Variants in BMP5 observed in about 807,000 individuals in gnomAD.
The protein encoded by BMP5 is bone morphogenetic protein 5.
A neutral mutation model predicts 46.6 loss-of-function variants in BMP5; 23 were observed. The observed-to-expected ratio is 0.49, with a 90% CI of 0.35 to 0.70. The LOEUF is 0.70. Among genes scored for constraint, BMP5 ranks in the 30% least tolerant of loss-of-function variants. The probability of loss-of-function intolerance (pLI) is 0.00; values close to 1 mark genes in which losing one functional copy is unlikely to be tolerated. For missense variants in BMP5, 545 were observed against 565.6 expected, an observed-to-expected ratio of 0.96 and a Z score of 0.37; for synonymous variants, 204 against 191.9, an observed-to-expected ratio of 1.06 and a Z score of -0.52.
chr6:55,839,755 T>C lies in BMP5; in HGVS notation c.491-19908A>G, dbSNP rs1019599709. ...TTTTAAATTTTGCTATTGTAGACAGTGTTATTTTAATTTACTTTTCCCTAG... is the reference window on the plus strand; with the variant it reads ...TTTTAAATTTTGCTATTGTAGACAGCGTTATTTTAATTTACTTTTCCCTAG... On this transcript the variant is annotated intron_variant, in intron 1 of 6. Transcript: ENST00000370830. Among the ~76,000 whole-genome samples the C allele has an allele frequency of 1.1e-4, 17 of 152,328 alleles. No individual in the cohort carries two copies. The East Asian group carries it at 3.1e-3, about 28-fold the overall frequency.
In BMP5 at chr6:55,866,871, A is replaced by C. The variant is rs990515983; in HGVS notation, c.490+7505T>G. 3.2e-4 allele frequency among the ~76,000 whole-genome samples: 49 copies of C among 152,144 alleles called. 1 individual carries two copies. Among genetic ancestry groups the C allele is most frequent in the Non-Finnish European group, 4.3e-4 (29 of 68,028 alleles). ...TATTTCACCAACTCCTGAAGTAATTATCTCTCACACTAAATTATTATTCTC... is the reference window on the plus strand; with the variant it reads ...TATTTCACCAACTCCTGAAGTAATTCTCTCTCACACTAAATTATTATTCTC... On this transcript the variant is annotated intron_variant, in intron 1 of 6. Coordinates refer to ENST00000370830, the MANE Select transcript of BMP5 (RefSeq NM_021073.4).
Position 55,755,487 on chromosome 6 carries a change from TA to T in BMP5, c.*45del, listed in dbSNP as rs1774564997. 2 of 1,560,308 alleles carry T rather than the reference TA, an allele frequency of 1.3e-6. No homozygotes were observed. The highest frequency in any genetic ancestry group is 1.7e-5 in the Admixed American group (1 of 58,672). On this transcript the variant is annotated 3_prime_UTR_variant, in exon 7 of 7. Transcript: ENST00000370830. Reference sequence around the variant, plus strand: ...GAAAGTATGCTTTTTATTGCAGCCATAAACCTTAATACAGATCTTTTTGTTA... The same window carrying T: ...GAAAGTATGCTTTTTATTGCAGCCATAACCTTAATACAGATCTTTTTGTTA...
In BMP5 at chr6:55,792,312, T is replaced by A. The variant is rs192850893; in HGVS notation, c.832+1967A>T. Among the ~76,000 whole-genome samples, 80 of 152,212 alleles carry A rather than the reference T, an allele frequency of 5.3e-4. 1 individual carries two copies. The East Asian group carries it at 0.015, about 28-fold the overall frequency. The stretch of plus-strand genomic sequence containing the variant: ...ACTTTGGAAGGCCAAGGCGGGCGGA[T>A]CACGAGGTCAGGAGATCGAGACCAT... On this transcript the variant is annotated intron_variant, in intron 3 of 6. Transcript: ENST00000370830.
chr6:55,783,410 TTATAATCTTATTACC>T (rs1775373025), intron 3 of BMP5, among the ~76,000 whole-genome samples: 1 of 152,040 alleles, frequency 6.6e-6, no homozygotes, highest in South Asian at 2.1e-4. Flanking sequence ...CCTCTCTCTC[TTATAATCTTATTACC>T]CGCATGCCAA....
intron 2 of BMP5, among the ~76,000 whole-genome samples, chr6:55,796,420 C>T (rs1296305896): frequency 6.6e-6 from 1 of 151,892 alleles, no homozygotes; most frequent in Non-Finnish European, 1.5e-5. Context: ...CCAAAACTTT[C>T]CAGCATGTCT....
At chr6:55,781,736 T>C (rs1775322932) in intron 3 of BMP5, among the ~76,000 whole-genome samples, 1 of 151,956 alleles carries the variant, frequency 6.6e-6, no homozygotes, top group Admixed American at 6.6e-5. Flanking sequence ...GACTCCTGAG[T>C]AGCTAGGACT....
chr6:55,792,361 G>A (rs1342809566), intron 3 of BMP5, among the ~76,000 whole-genome samples: 1 of 151,840 alleles, frequency 6.6e-6, no homozygotes, highest in African/African-American at 2.4e-5. Context: ...GTGAAACCCC[G>A]TCTCTACTAA....
intron 4 of BMP5, among the ~76,000 whole-genome samples, chr6:55,762,870 C>T (rs72868849): frequency 0.041 from 6,301 of 152,006 alleles, 181 homozygotes; most frequent in Non-Finnish European, 0.063. Context: ...TGCAACTACT[C>T]GATTTTGCTG....
chr6:55,792,440 G>T (rs530317446), intron 3 of BMP5, among the ~76,000 whole-genome samples: 5 of 151,116 alleles, frequency 3.3e-5, no homozygotes, highest in Middle Eastern at 3.4e-3. Context: ...AGGCTGAGGC[G>T]AGAGAATGGC....
At chr6:55,775,919 G>GAA (rs201998264) in intron 3 of BMP5, among the ~76,000 whole-genome samples, 8 of 130,076 alleles carry the variant, frequency 6.2e-5, no homozygotes, top group Admixed American at 4.7e-4. Context: ...GGTATTGGTT[G>GAA]AAAAAAAAAA....
At chr6:55,838,990 T>C (rs1412054720) in intron 1 of BMP5, among the ~76,000 whole-genome samples, 1 of 152,200 alleles carries the variant, frequency 6.6e-6, no homozygotes, top group Non-Finnish European at 1.5e-5. Flanking sequence ...AATACACTTA[T>C]CTAACTGAAT....
intron 3 of BMP5, among the ~76,000 whole-genome samples, chr6:55,787,648 G>C (rs931741204): frequency 2.0e-5 from 3 of 151,598 alleles, no homozygotes; most frequent in Non-Finnish European, 4.4e-5. Context: ...TGTAACAGTT[G>C]TCAATTACTG....
chr6:55,833,887 C>G (rs1339205207), intron 1 of BMP5, among the ~76,000 whole-genome samples: 2 of 151,960 alleles, frequency 1.3e-5, no homozygotes, highest in African/African-American at 4.8e-5. Context: ...CAGAGAGAAC[C>G]ACTAACAACA....
At chr6:55,870,811 AAC>A (rs1456372763) in intron 1 of BMP5, among the ~76,000 whole-genome samples, 1 of 152,094 alleles carries the variant, frequency 6.6e-6, no homozygotes, top group East Asian at 1.9e-4. Flanking sequence ...CTTTCATGAT[AAC>A]AGACTAAATA....
rs76395649 is a variant in BMP5, at chr6:55,758,593, T to G, written c.1215+412A>C. Among the ~76,000 whole-genome samples the G allele has an allele frequency of 9.2e-3, 1,404 of 152,090 alleles. 23 individuals carry two copies. The highest frequency in any genetic ancestry group is 0.032 in the African/African-American group (1,350 of 41,548). The stretch of plus-strand genomic sequence containing the variant: ...TTGAAGAACTTTTATAATACCAAAG[T>G]ATGTTATAGAACATTCTTAAATAAT... On this transcript the variant is annotated intron_variant, in intron 6 of 6. Coordinates refer to ENST00000370830, the MANE Select transcript of BMP5 (RefSeq NM_021073.4).
chr6:55,781,977 C>T (rs1010703902), intron 3 of BMP5, among the ~76,000 whole-genome samples: 9 of 151,238 alleles, frequency 6.0e-5, no homozygotes, highest in Non-Finnish European at 1.3e-4. Flanking sequence ...AGTCTAGTAC[C>T]AGCAAAATAG....
chr6:55,818,801 T>A (rs918868325), intron 2 of BMP5, among the ~76,000 whole-genome samples: 4 of 152,116 alleles, frequency 2.6e-5, no homozygotes, highest in Non-Finnish European at 1.5e-5. Context: ...TCTTTAAATA[T>A]TTTTCTAATC....
Position 55,754,195 on chromosome 6 carries a change from T to G in BMP5, c.*1338A>C, listed in dbSNP as rs1774522021. On this transcript the variant is annotated 3_prime_UTR_variant, in exon 7 of 7. Transcript: ENST00000370830. ...AGCCTAACCACAGAGTCACCATAAA[T>G]AGCAAGTTATCAATCTAAAGATCAT... 6.6e-6 allele frequency: 1 copy of G among 151,894 alleles called. No homozygotes were observed. Among genetic ancestry groups the G allele is most frequent in the South Asian group, 2.1e-4 (1 of 4,832 alleles). The allele number at this position is 151,894 out of a possible 1,614,324, so 9.4% of individuals were successfully genotyped here.
At chr6:55,811,894 G>A (rs1017074601) in intron 2 of BMP5, among the ~76,000 whole-genome samples, 1 of 151,970 alleles carries the variant, frequency 6.6e-6, no homozygotes, top group African/African-American at 2.4e-5. Flanking sequence ...TTACATCATC[G>A]TTCTTAGCAC....
Sources: gnomAD v4.1 joint callset for allele counts (sites outside exome capture counted in the v4.1 genomes callset) on GRCh38, gnomAD v4.1.1 for gene constraint, MANE v1.5 for transcripts, NCBI Gene and HGNC (gene_info 2026-07-23, HGNC 2026-07-21) for gene names.